EPHA7: variants seen among roughly 807,000 people sequenced by gnomAD.
EPHA7 encodes the protein ephrin type-A receptor 7.
A neutral mutation model predicts 112.6 loss-of-function variants in EPHA7; 25 were observed. That is an observed-to-expected ratio of 0.22 (90% CI 0.16 to 0.31). The LOEUF (loss-of-function observed/expected upper bound fraction) is 0.31, where lower values mean the gene tolerates loss of function less well. Ranked by LOEUF, EPHA7 falls within the 10% of genes least tolerant of loss-of-function variation. The pLI is 1.00. For synonymous variants in EPHA7, 437 were observed against 406.5 expected (o/e 1.07, Z -0.90); for missense variants, 962 against 1,212.6 (o/e 0.79, Z 3.07).
At chr6:93,246,066 T>C (rs1015606709) in intron 15 of EPHA7, among the ~76,000 whole-genome samples, 10 of 152,118 alleles carry the variant, frequency 6.6e-5, no homozygotes, top group Admixed American at 4.6e-4. Flanking sequence ...TTCTTTTTTT[T>C]TTGGAGACGG....
At chr6:93,264,386 T>C (rs1010902918) in intron 8 of EPHA7, among the ~76,000 whole-genome samples, 22 of 151,538 alleles carry the variant, frequency 1.5e-4, no homozygotes, top group African/African-American at 5.3e-4. Flanking sequence ...AAAACTGCAA[T>C]ACTCATTCTC....
chr6:93,336,691 C>G (rs9363066), intron 5 of EPHA7, among the ~76,000 whole-genome samples: 32,290 of 151,878 alleles, frequency 0.21, 4,151 homozygotes, highest in East Asian at 0.58. Flanking sequence ...ATGAGCCACC[C>G]TGCCCAGCTC....
At chr6:93,327,327 T>C (rs1774371089) in intron 5 of EPHA7, among the ~76,000 whole-genome samples, 1 of 151,538 alleles carries the variant, frequency 6.6e-6, no homozygotes, top group African/African-American at 2.4e-5. Flanking sequence ...CTTTTCCTGA[T>C]TGTTCTTCAT....
At chr6:93,389,453 C>T (rs145730335) in intron 3 of EPHA7, among the ~76,000 whole-genome samples, 23 of 151,998 alleles carry the variant, frequency 1.5e-4, no homozygotes, top group African/African-American at 5.1e-4. Context: ...TCTGTCTATT[C>T]GTCTGGAAGA....
intron 9 of EPHA7, chr6:93,260,625 AAC>A (rs972905425): frequency 1.0e-6 from 1 of 973,574 alleles, no homozygotes; most frequent in Non-Finnish European, 1.2e-6. Context: ...TTTAAAAGTA[AAC>A]ACATAACAAA....
chr6:93,312,883 C>G (rs140201675), intron 5 of EPHA7, among the ~76,000 whole-genome samples: 2 of 151,700 alleles, frequency 1.3e-5, no homozygotes, highest in African/African-American at 4.8e-5. Flanking sequence ...ATAGGAAAGC[C>G]CAAGGAGAGG....
At chr6:93,311,112 C>CTTTTTTTTT (rs1434719790) in intron 5 of EPHA7, among the ~76,000 whole-genome samples, 84 of 70,898 alleles carry the variant, frequency 1.2e-3, no homozygotes, top group Admixed American at 2.1e-3. Context: ...TCATGCCCAG[C>CTTTTTTTTT]TATTTTTTTT....
chr6:93,372,841 A>G (rs1776868413), intron 3 of EPHA7, among the ~76,000 whole-genome samples: 1 of 152,090 alleles, frequency 6.6e-6, no homozygotes, highest in African/African-American at 2.4e-5. Flanking sequence ...GAAAAATATA[A>G]TAGTTAAGTT....
chr6:93,357,536 A>G (rs1357373269), intron 4 of EPHA7, among the ~76,000 whole-genome samples: 2 of 152,208 alleles, frequency 1.3e-5, no homozygotes, highest in African/African-American at 4.8e-5. Flanking sequence ...TCATTAATTG[A>G]AGAACCAAGA....
intron 5 of EPHA7, among the ~76,000 whole-genome samples, chr6:93,341,474 T>C (rs2127921063): frequency 6.6e-6 from 1 of 151,914 alleles, no homozygotes; most frequent in South Asian, 2.1e-4. Context: ...AGATAGAAAT[T>C]ATGAAAATCA....
intron 9 of EPHA7, among the ~76,000 whole-genome samples, chr6:93,261,741 G>A (rs1397201547): frequency 6.6e-6 from 1 of 151,392 alleles, no homozygotes; most frequent in Non-Finnish European, 1.5e-5. Context: ...TTTCTCTAAT[G>A]ATGAAAACTT....
chr6:93,415,601 A>G (rs1779183986), intron 1 of EPHA7, among the ~76,000 whole-genome samples: 1 of 152,018 alleles, frequency 6.6e-6, no homozygotes, highest in Non-Finnish European at 1.5e-5. Context: ...GATATATTTT[A>G]TTTCTTTTTT....
chr6:93,267,218 G>A (rs1770986552), intron 7 of EPHA7, among the ~76,000 whole-genome samples: 1 of 151,756 alleles, frequency 6.6e-6, no homozygotes, highest in East Asian at 1.9e-4. Flanking sequence ...AAGGGCTCCT[G>A]GGATGGAAAA....
chr6:93,264,161 T>C (rs1363251806), intron 8 of EPHA7, among the ~76,000 whole-genome samples: 1 of 151,554 alleles, frequency 6.6e-6, no homozygotes, highest in Non-Finnish European at 1.5e-5. Flanking sequence ...AAATTCAGTA[T>C]GATTTGAATC....
At chr6:93,280,880 C>T (rs1233012872) in intron 5 of EPHA7, among the ~76,000 whole-genome samples, 2 of 152,048 alleles carry the variant, frequency 1.3e-5, no homozygotes, top group Non-Finnish European at 2.9e-5. Flanking sequence ...ACCTGGGACA[C>T]CTTCCAGAAT....
intron 5 of EPHA7, among the ~76,000 whole-genome samples, chr6:93,300,483 C>T (rs1772921903): frequency 6.6e-6 from 1 of 152,016 alleles, no homozygotes; most frequent in South Asian, 2.1e-4. Flanking sequence ...TATTTTCTTA[C>T]AATTTTTTAT....
chr6:93,291,763 GTC>G (rs1335274819), intron 5 of EPHA7, among the ~76,000 whole-genome samples: 15 of 12,546 alleles, frequency 1.2e-3, no homozygotes, highest in Non-Finnish European at 3.0e-3. Flanking sequence ...GCGAGACTCC[GTC>G]TCAAAAAAAA....
chr6:93,419,355 G>T lies in EPHA7; in HGVS notation c.-14C>A, dbSNP rs770883778. On this transcript the variant is annotated 5_prime_UTR_variant, in exon 1 of 17. Coordinates refer to ENST00000369303, the MANE Select transcript of EPHA7 (RefSeq NM_004440.4). The stretch of plus-strand genomic sequence containing the variant: ...TTGAAAAACCATGGTGCATGAGCAG[G>T]TTTTATTTTAGGTTTCAGTTATCTT... 6.2e-7 allele frequency: 1 copy of T among 1,602,150 alleles called. No homozygotes were observed. Among genetic ancestry groups the T allele is most frequent in the Non-Finnish European group, 8.5e-7 (1 of 1,170,764 alleles).
chr6:93,350,567 C>G (rs570130182), intron 5 of EPHA7, among the ~76,000 whole-genome samples: 1 of 151,926 alleles, frequency 6.6e-6, no homozygotes, highest in Non-Finnish European at 1.5e-5. Context: ...GATCATTCAT[C>G]CATACACAAC....
Sources: allele counts gnomAD v4.1 joint callset (sites outside exome capture counted in the v4.1 genomes callset), GRCh38; gene constraint gnomAD v4.1.1; transcripts MANE v1.5; gene names NCBI Gene and HGNC (gene_info 2026-07-23, HGNC 2026-07-21).